CYFIP1: variants seen among roughly 807,000 people sequenced by gnomAD.
CYFIP1 encodes the protein cytoplasmic FMR1 interacting protein 1.
Under a neutral mutation model 163.5 loss-of-function variants are expected in CYFIP1, and 58 were observed. That is an observed-to-expected ratio of 0.35 (90% CI 0.29 to 0.44). The LOEUF (loss-of-function observed/expected upper bound fraction) is 0.44. Ranked by LOEUF, CYFIP1 falls within the 20% of genes least tolerant of loss-of-function variation. CYFIP1 has a pLI of 1.00. For synonymous variants in CYFIP1, 663 were observed against 660.7 expected, an observed-to-expected ratio of 1.00 and a Z score of -0.05; for missense variants, 1,338 against 1,653.8, an observed-to-expected ratio of 0.81 and a Z score of 3.31.
chr15:22,929,171 G>A (rs1393734516), intron 11 of CYFIP1, among the ~76,000 whole-genome samples: 1 of 149,590 alleles, frequency 6.7e-6, no homozygotes, highest in Non-Finnish European at 1.5e-5. Context: ...AGTGAGCCAA[G>A]ATCCCGCCAT....
chr15:22,889,684 CA>C (rs1349876528), intron 23 of CYFIP1, among the ~76,000 whole-genome samples: 11 of 152,306 alleles, frequency 7.2e-5, no homozygotes, highest in Non-Finnish European at 1.5e-4. Context: ...ATGGGGGTGA[CA>C]GAGGAGCCTC....
chr15:22,895,226 G>C (rs1455541188), intron 22 of CYFIP1, among the ~76,000 whole-genome samples: 2 of 152,128 alleles, frequency 1.3e-5, no homozygotes, highest in Non-Finnish European at 2.9e-5. Context: ...GTGTTAGCCA[G>C]GATGGTCTCG....
intron 22 of CYFIP1, among the ~76,000 whole-genome samples, chr15:22,903,412 C>T (rs1467855732): frequency 6.6e-6 from 1 of 152,166 alleles, no homozygotes; most frequent in Non-Finnish European, 1.5e-5. Context: ...AACATGCCAG[C>T]ACGGAAGCAT....
intron 1 of CYFIP1, among the ~76,000 whole-genome samples, chr15:22,955,648 C>G (rs1435636089): frequency 2.0e-5 from 3 of 152,210 alleles, no homozygotes; most frequent in African/African-American, 7.2e-5. Flanking sequence ...AGTGCTTCCA[C>G]CAACTAGAAA....
chr15:22,926,035 C>G lies in CYFIP1; in HGVS notation c.1306G>C (p.Glu436Gln), dbSNP rs760689297. Residue 436 changes from glutamate (E) to glutamine (Q), a missense_variant, in exon 13 of 31, where the codon GAG (glutamate) becomes CAG (glutamine). Around this residue, in one of 4 missense-constraint regions of CYFIP1, gnomAD observed 824 missense variants for 995.7 expected, o/e 0.83. Transcript: ENST00000617928. Reference sequence around the variant, plus strand: ...GTGTAGTTGTAGCGCGTGGCACGCTCGTACTCTTCAGCGCTGTCGGGGCAG... The same window carrying G: ...GTGTAGTTGTAGCGCGTGGCACGCTGGTACTCTTCAGCGCTGTCGGGGCAG... ...KDCPDSAEEY[E>Q]RATRYNYTSE... 3.1e-6 allele frequency: 5 copies of G among 1,614,130 alleles called. No homozygotes were observed. The highest frequency in any genetic ancestry group is 4.2e-6 in the Non-Finnish European group (5 of 1,180,014).
Position 22,909,706 on chromosome 15 carries a change from C to T in CYFIP1, c.2269-393G>A, listed in dbSNP as rs555683007. Reference sequence around the variant, plus strand: ...AACTAGTTTTGTGTGTGTAATGTAACATCACTTTTAATTTTTAATTTTTTT... The same window carrying T: ...AACTAGTTTTGTGTGTGTAATGTAATATCACTTTTAATTTTTAATTTTTTT... On this transcript the variant is annotated intron_variant, in intron 20 of 30. Transcript: ENST00000617928. Among the ~76,000 whole-genome samples, 50 of 151,970 alleles carry T rather than the reference C, an allele frequency of 3.3e-4. 3 individuals are homozygous for T. In the South Asian group the frequency reaches 9.1e-3, roughly 28 times the overall value.
At position 22,939,438 on chromosome 15, in the gene CYFIP1, G is replaced by A; in HGVS notation, c.639C>T (p.Phe213=). 6.2e-7 allele frequency: 1 copy of A among 1,613,474 alleles called. No homozygotes were observed. The highest frequency in any genetic ancestry group is 1.3e-5 in the African/African-American group (1 of 74,818). The part of the protein sequence containing the change: ...SIQESQNLSM[F]LANHNKITQS... ...GTGTGATCTTGTTATGATTGGCCAGGAACATGGACAGATTCTGCGATTCCT... is the reference window on the plus strand; with the variant it reads ...GTGTGATCTTGTTATGATTGGCCAGAAACATGGACAGATTCTGCGATTCCT... The change falls in exon 7 of 31, where the codon TTC becomes TTT. Residue 213 remains phenylalanine (F), a synonymous_variant. Transcript: ENST00000617928.
At chr15:22,959,780 C>T (rs1036255919) in intron 1 of CYFIP1, among the ~76,000 whole-genome samples, 4 of 152,186 alleles carry the variant, frequency 2.6e-5, no homozygotes, top group South Asian at 2.1e-4. Flanking sequence ...GATCGAGCCC[C>T]GTGCTCCCCC....
intron 30 of CYFIP1, among the ~76,000 whole-genome samples, chr15:22,872,241 G>A (rs1277781625): frequency 6.8e-6 from 1 of 147,986 alleles, no homozygotes; most frequent in African/African-American, 2.5e-5. Flanking sequence ...ATTGCAGTGA[G>A]CCAAGATCGT....
At chr15:22,875,943 A>C (rs1470452982) in intron 26 of CYFIP1, among the ~76,000 whole-genome samples, 2 of 141,890 alleles carry the variant, frequency 1.4e-5, no homozygotes, top group Non-Finnish European at 3.1e-5. Context: ...GAACACCCCA[A>C]ATCCACCAAG....
intron 3 of CYFIP1, 93 bp downstream of exon 3, chr15:22,946,910 C>T: frequency 9.6e-7 from 1 of 1,042,944 alleles, no homozygotes; most frequent in Non-Finnish European, 1.5e-6. Context: ...TTCCTCACTG[C>T]ATAGTCTATT....
chr15:22,900,318 G>A (rs2060354784), intron 22 of CYFIP1, among the ~76,000 whole-genome samples: 1 of 152,014 alleles, frequency 6.6e-6, no homozygotes, highest in Admixed American at 6.5e-5. Flanking sequence ...TCTACCCAGT[G>A]TCTCAGAGGG....
chr15:22,880,049 G>A lies in CYFIP1; in HGVS notation c.2912-6C>T. 6.2e-7 allele frequency: 1 copy of A among 1,613,548 alleles called. No homozygotes were observed. Among genetic ancestry groups the A allele is most frequent in the Non-Finnish European group, 8.5e-7 (1 of 1,179,888 alleles). On this transcript the variant is annotated splice_polypyrimidine_tract_variant and splice_region_variant and intron_variant, in intron 25 of 30. Coordinates refer to ENST00000617928, the MANE Select transcript of CYFIP1 (RefSeq NM_014608.6). ...GTGGAAGAACTCCAGGATACCTACGGTGGCGGGAGTGAGGTGGGGTTGGGG... is the reference window on the plus strand; with the variant it reads ...GTGGAAGAACTCCAGGATACCTACGATGGCGGGAGTGAGGTGGGGTTGGGG...
chr15:22,980,169 TGGGGGGGAG>T (rs2063433152), intron 1 of CYFIP1, 109 bp downstream of exon 1: 1 of 1,878 alleles, frequency 5.3e-4, no homozygotes, highest in Admixed American at 7.4e-3. Context: ...CCGCCGGGGT[TGGGGGGGAG>T]GGGGGGGTCC....
At position 22,891,816 on chromosome 15, in the gene CYFIP1, G is replaced by A. The variant is rs904177204; in HGVS notation, c.2676+1074C>T. On this transcript the variant is annotated intron_variant, in intron 23 of 30. Transcript: ENST00000617928. ...AAGATCTCGCTCTGAAGAACAGAGGGTTAGAAAGGAATGAGTGGAAAACAT... is the reference window on the plus strand; with the variant it reads ...AAGATCTCGCTCTGAAGAACAGAGGATTAGAAAGGAATGAGTGGAAAACAT... Among the ~76,000 whole-genome samples the A allele has an allele frequency of 2.6e-5, 4 of 152,210 alleles. 1 individual carries two copies. The highest frequency in any genetic ancestry group is 4.4e-5 in the Non-Finnish European group (3 of 68,038).
rs1595472920 is a variant in CYFIP1 at position 22,869,486 on chromosome 15, C to A, written c.*542G>T. On this transcript the variant is annotated 3_prime_UTR_variant, in exon 31 of 31. Coordinates refer to ENST00000617928, the MANE Select transcript of CYFIP1 (RefSeq NM_014608.6). ...CAAATAGATCTCATTAGTTTTATTT[C>A]TATAACCTTTCGATCTGATGTCACG... The A allele has an allele frequency of 6.6e-6, 1 of 152,186 alleles. No individual in the cohort carries two copies. The highest frequency in any genetic ancestry group is 2.4e-5 in the African/African-American group (1 of 41,392). The allele number at this position is 152,186 out of a possible 1,614,324, so 9.4% of individuals were successfully genotyped here.
At chr15:22,953,001 C>G (rs919285380) in intron 1 of CYFIP1, among the ~76,000 whole-genome samples, 1 of 152,234 alleles carries the variant, frequency 6.6e-6, no homozygotes, top group Admixed American at 6.5e-5. Flanking sequence ...GCAGCCCTCC[C>G]ACATCCGCCT....
chr15:22,925,693 C>T (rs1345016807), intron 13 of CYFIP1, among the ~76,000 whole-genome samples: 1 of 152,162 alleles, frequency 6.6e-6, no homozygotes, highest in Non-Finnish European at 1.5e-5. Context: ...TCTCTCTCAG[C>T]AGGGGCCACA....
At chr15:22,902,979 G>A (rs1453729129) in intron 22 of CYFIP1, among the ~76,000 whole-genome samples, 1 of 152,224 alleles carries the variant, frequency 6.6e-6, no homozygotes, top group East Asian at 1.9e-4. Flanking sequence ...CCACATGTGG[G>A]TGGGACGCGG....
Sources: gnomAD v4.1 joint callset for allele counts (sites outside exome capture counted in the v4.1 genomes callset) on GRCh38, gnomAD v4.1.1 for gene constraint, gnomAD v4.1.1 regional missense constraint, MANE v1.5 for transcripts, NCBI Gene and HGNC (gene_info 2026-07-23, HGNC 2026-07-21) for gene names.